ZFYVE16: variants seen among roughly 807,000 people sequenced by gnomAD.
ZFYVE16 encodes zinc finger FYVE domain-containing protein 16.
Under a neutral mutation model 138.1 loss-of-function variants are expected in ZFYVE16, and 89 were observed. That is an observed-to-expected ratio of 0.64 (90% confidence interval 0.54 to 0.77). ZFYVE16 has a LOEUF of 0.77. Among genes scored for constraint, ZFYVE16 ranks in the 30% least tolerant of loss-of-function variants. The probability of loss-of-function intolerance (pLI) is 0.00; values close to 1 mark genes in which losing one functional copy is unlikely to be tolerated. For synonymous variants in ZFYVE16, 596 were observed against 618.3 expected, an observed-to-expected ratio of 0.96 and a Z score of 0.53; for missense variants, 1,793 against 1,786.7, an observed-to-expected ratio of 1.00 and a Z score of -0.06.
chr5:80,440,251 TG>T, intron 5 of ZFYVE16: 1 of 1,166,910 alleles, frequency 8.6e-7, no homozygotes, highest in Non-Finnish European at 1.1e-6. Flanking sequence ...GTTTCTGGAG[TG>T]GCAGTTCATT....
rs534057287 is a variant in ZFYVE16, at chr5:80,468,445, A to G, written c.4025-4316A>G. ...TTGCTCCTAGTCTGTAAACCTGTAC[A>G]GCATGTTACCATTCTGAATATGGTA... On this transcript the variant is annotated intron_variant, in intron 15 of 18. Transcript: ENST00000505560. 1.4e-4 allele frequency among the ~76,000 whole-genome samples: 21 copies of G among 152,344 alleles called. No individual in the cohort carries two copies. The South Asian group carries it at 4.1e-3, about 30-fold the overall frequency.
rs762748164 is a variant in ZFYVE16 at position 80,448,280 on chromosome 5, T to A, written c.2979T>A (p.Ala993=). Residue 993 remains alanine (A), a synonymous_variant, in exon 8 of 19, where the codon GCT becomes GCA. Coordinates refer to ENST00000505560, the MANE Select transcript of ZFYVE16 (RefSeq NM_001284236.3). The part of the protein sequence containing the change: ...GVLVNSNLPI[A]SISDYRLLCD... ...TAGTTAACAGCAATTTACCTATTGC[T>A]AGTATTTCAGATTATAGGTTACTGT... 1.2e-6 allele frequency: 2 copies of A among 1,613,664 alleles called. No homozygotes were observed. Among genetic ancestry groups the A allele is most frequent in the South Asian group, 2.2e-5 (2 of 91,064 alleles).
chr5:80,473,692 A>G (rs932516078), intron 16 of ZFYVE16, 62 bp from the exon 17 acceptor site: 4 of 1,218,586 alleles, frequency 3.3e-6, no homozygotes, highest in Admixed American at 4.5e-5. Context: ...TTCAAATCTA[A>G]TAATTCATTT....
chr5:80,416,133 A>C (rs531747459), intron 1 of ZFYVE16, among the ~76,000 whole-genome samples: 47 of 151,992 alleles, frequency 3.1e-4, no homozygotes, highest in African/African-American at 1.1e-3. Flanking sequence ...CTTCCTTGAG[A>C]GCAAAGAGTC....
chr5:80,421,776 G>A (rs370947230), intron 1 of ZFYVE16, among the ~76,000 whole-genome samples: 13 of 152,194 alleles, frequency 8.5e-5, no homozygotes, highest in African/African-American at 2.4e-4. Context: ...TCGGCAATGC[G>A]GGCCCTTTTT....
intron 1 of ZFYVE16, among the ~76,000 whole-genome samples, chr5:80,420,960 G>A (rs1427532451): frequency 6.6e-6 from 1 of 152,152 alleles, no homozygotes; most frequent in Non-Finnish European, 1.5e-5. Flanking sequence ...AGCACCTGTT[G>A]TTTCCTGACT....
chr5:80,448,665 G>T (rs73121770), intron 8 of ZFYVE16, among the ~76,000 whole-genome samples: 1 of 152,036 alleles, frequency 6.6e-6, no homozygotes, highest in African/African-American at 2.4e-5. Context: ...TTAGCCCGAA[G>T]AAATATTTCC....
In ZFYVE16 at chr5:80,479,498, A is replaced by G. The variant is rs1019648845; in HGVS notation, c.*2121A>G. The G allele has an allele frequency of 3.3e-5, 5 of 152,202 alleles. No individual in the cohort carries two copies. The highest frequency in any genetic ancestry group is 7.4e-5 in the Non-Finnish European group (5 of 68,020). The allele number at this position is 152,202 out of a possible 1,614,324, so 9.4% of individuals were successfully genotyped here. A position where few individuals can be genotyped will look rare whatever the true frequency, so the allele number is the denominator to read the frequency against. The stretch of plus-strand genomic sequence containing the variant: ...TATCAACATTTATGGATTCCATGCC[A>G]CAAGTAGTATGCGCTTAAGTGCAGA... On this transcript the variant is annotated 3_prime_UTR_variant, in exon 19 of 19. Transcript: ENST00000505560.
intron 1 of ZFYVE16, among the ~76,000 whole-genome samples, chr5:80,419,858 C>T (rs1316079516): frequency 6.6e-6 from 1 of 152,026 alleles, no homozygotes; most frequent in Non-Finnish European, 1.5e-5. Flanking sequence ...GTCACCCAGG[C>T]TGGAGTGCAG....
intron 3 of ZFYVE16, among the ~76,000 whole-genome samples, 183 bp downstream of exon 3, chr5:80,434,400 C>T (rs1749570425): frequency 6.6e-6 from 1 of 152,106 alleles, no homozygotes; most frequent in South Asian, 2.1e-4. Flanking sequence ...GGACCCATAG[C>T]CAGAAACAGA....
At chr5:80,422,793 A>G (rs1747422371) in intron 1 of ZFYVE16, among the ~76,000 whole-genome samples, 1 of 152,146 alleles carries the variant, frequency 6.6e-6, no homozygotes, top group African/African-American at 2.4e-5. Flanking sequence ...GTGATTATAT[A>G]TGTCTTCCTT....
chr5:80,443,408 G>A (rs2112414060), intron 6 of ZFYVE16, 124 bp downstream of exon 6: 1 of 1,175,148 alleles, frequency 8.5e-7, no homozygotes, highest in Non-Finnish European at 1.2e-6. Flanking sequence ...TTAATACAGG[G>A]AATTGGTTAC....
Position 80,445,313 on chromosome 5 carries a change from C to T in ZFYVE16, c.2632C>T (p.Pro878Ser). ...KRVWFADGIL[P>S]NGEVADTTKL... ...AGTATGGTTTGCAGATGGTATATTG[C>T]CCAATGGTGAAGTTGCAGATACAAC... Residue 878 changes from proline (P) to serine (S), a missense_variant, in exon 7 of 19, where the codon CCC becomes TCC. Physicochemically the swap from Pro to Ser is moderately conservative, Grantham distance 74. Transcript: ENST00000505560. 1.2e-6 allele frequency: 2 copies of T among 1,613,862 alleles called. No individual in the cohort carries two copies. The highest frequency in any genetic ancestry group is 1.7e-6 in the Non-Finnish European group (2 of 1,179,920).
chr5:80,429,033 C>T (rs1748576404), intron 2 of ZFYVE16, among the ~76,000 whole-genome samples: 1 of 152,192 alleles, frequency 6.6e-6, no homozygotes, highest in African/African-American at 2.4e-5. Context: ...AAACACTCTT[C>T]AGGATATTAT....
intron 1 of ZFYVE16, among the ~76,000 whole-genome samples, chr5:80,420,034 A>T (rs1561233315): frequency 1.3e-5 from 2 of 148,800 alleles, no homozygotes; most frequent in African/African-American, 2.5e-5. Flanking sequence ...CTGGTCTTGA[A>T]CTCCTGACCT....
At chr5:80,410,730 C>G (rs1457198982) in intron 1 of ZFYVE16, among the ~76,000 whole-genome samples, 4 of 151,932 alleles carry the variant, frequency 2.6e-5, no homozygotes, top group African/African-American at 9.7e-5. Context: ...GCCCCCATGC[C>G]CAGCTAATTT....
In ZFYVE16 at chr5:80,459,398, T is replaced by A; in HGVS notation, c.3944-16T>A. On this transcript the variant is annotated splice_polypyrimidine_tract_variant and intron_variant, in intron 14 of 18. Transcript: ENST00000505560. ...TGAGCAGTTTAAAACAAATAATTGT[T>A]GTATTTCTTGATCAGTGACAGGTGC... 6.2e-7 allele frequency: 1 copy of A among 1,606,978 alleles called. No individual in the cohort carries two copies. Among genetic ancestry groups the A allele is most frequent in the Non-Finnish European group, 8.5e-7 (1 of 1,176,506 alleles).
At chr5:80,443,717 C>T (rs1750985638) in intron 6 of ZFYVE16, 1 of 456,466 alleles carries the variant, frequency 2.2e-6, no homozygotes, top group Non-Finnish European at 4.4e-6. Context: ...GTTGGTGGTG[C>T]TGCTGCAAAG....
At chr5:80,410,612 C>G (rs1045672389) in intron 1 of ZFYVE16, among the ~76,000 whole-genome samples, 4 of 151,624 alleles carry the variant, frequency 2.6e-5, no homozygotes, top group African/African-American at 9.7e-5. Flanking sequence ...CGCTCTTTCG[C>G]CAGGCTGGAG....
Sources: allele counts gnomAD v4.1 joint callset (sites outside exome capture counted in the v4.1 genomes callset), GRCh38; gene constraint gnomAD v4.1.1; transcripts MANE v1.5; gene names NCBI Gene and HGNC (gene_info 2026-07-23, HGNC 2026-07-21).